PLCXD3: variants seen among roughly 807,000 people sequenced by gnomAD.
PLCXD3 encodes the protein phosphatidylinositol specific phospholipase C X domain containing 3, also known as PI-PLC X domain-containing protein 3.
PLCXD3 carries 19 observed loss-of-function variants against 25.5 expected under a neutral mutation model. That is an observed-to-expected ratio of 0.75 (90% CI 0.52 to 1.09). The LOEUF (loss-of-function observed/expected upper bound fraction) is 1.09. Among genes scored for constraint, PLCXD3 ranks in the 50% least tolerant of loss-of-function variants. PLCXD3 has a pLI of 0.00. For missense variants in PLCXD3, 411 were observed against 388.1 expected (o/e 1.06, Z -0.50); for synonymous variants, 174 against 137.6 (o/e 1.26, Z -1.85).
chr5:41,322,475 C>A (rs975774710), intron 2 of PLCXD3, among the ~76,000 whole-genome samples: 1 of 152,172 alleles, frequency 6.6e-6, no homozygotes, highest in Non-Finnish European at 1.5e-5. Flanking sequence ...TACATTAGTA[C>A]AACCACTATG....
chr5:41,389,769 T>C (rs545532943), intron 1 of PLCXD3, among the ~76,000 whole-genome samples: 1 of 152,304 alleles, frequency 6.6e-6, no homozygotes, highest in South Asian at 2.1e-4. Context: ...TCTAAAAATA[T>C]ACACATCATA....
At chr5:41,343,894 AT>A (rs1408205630) in intron 2 of PLCXD3, among the ~76,000 whole-genome samples, 17 of 152,112 alleles carry the variant, frequency 1.1e-4, no homozygotes, top group African/African-American at 4.1e-4. Context: ...CAATTGGATG[AT>A]TTGTTTGTCT....
At chr5:41,354,382 A>C (rs944794831) in intron 2 of PLCXD3, among the ~76,000 whole-genome samples, 1 of 152,168 alleles carries the variant, frequency 6.6e-6, no homozygotes, top group Non-Finnish European at 1.5e-5. Context: ...TTCTGACTTC[A>C]GTGAATGGCA....
intron 2 of PLCXD3, among the ~76,000 whole-genome samples, chr5:41,338,394 C>G (rs1744042818): frequency 6.6e-6 from 1 of 151,950 alleles, no homozygotes; most frequent in East Asian, 1.9e-4. Flanking sequence ...AGTTGGGAAA[C>G]AAATTTATTT....
chr5:41,448,399 A>C (rs1747553391), intron 1 of PLCXD3, among the ~76,000 whole-genome samples: 1 of 152,242 alleles, frequency 6.6e-6, no homozygotes, highest in African/African-American at 2.4e-5. Context: ...CCAATATGGC[A>C]ATCATCTGAA....
intron 1 of PLCXD3, among the ~76,000 whole-genome samples, chr5:41,496,196 A>T (rs1748833389): frequency 6.6e-6 from 1 of 152,190 alleles, no homozygotes; most frequent in African/African-American, 2.4e-5. Context: ...AGAATAAAAC[A>T]GAAGAAATCC....
At chr5:41,365,571 C>T (rs1427486845) in intron 2 of PLCXD3, among the ~76,000 whole-genome samples, 2 of 152,108 alleles carry the variant, frequency 1.3e-5, no homozygotes, top group African/African-American at 2.4e-5. Context: ...ATTCTATGTT[C>T]TTGTTGCCTA....
chr5:41,398,368 T>A (rs779570077), intron 1 of PLCXD3, among the ~76,000 whole-genome samples: 14 of 152,182 alleles, frequency 9.2e-5, no homozygotes, highest in Non-Finnish European at 1.5e-5. Flanking sequence ...TAAAATCTGC[T>A]TGCTTTCCCT....
At chr5:41,408,815 G>A (rs1332237276) in intron 1 of PLCXD3, among the ~76,000 whole-genome samples, 1 of 152,130 alleles carries the variant, frequency 6.6e-6, no homozygotes, top group African/African-American at 2.4e-5. Context: ...TTCTACATTT[G>A]TAACGATCAC....
At chr5:41,414,620 C>A (rs1746651117) in intron 1 of PLCXD3, among the ~76,000 whole-genome samples, 1 of 152,180 alleles carries the variant, frequency 6.6e-6, no homozygotes. Flanking sequence ...CAGTACTTAA[C>A]CCTTATTTGC....
Position 41,489,743 on chromosome 5 carries a change from A to G in PLCXD3, c.103+20681T>C, listed in dbSNP as rs373607913. 1.3e-4 allele frequency among the ~76,000 whole-genome samples: 19 copies of G among 151,820 alleles called. 1 individual carries two copies. The highest frequency in any genetic ancestry group is 1.2e-3 in the Admixed American group (19 of 15,252). On this transcript the variant is annotated intron_variant, in intron 1 of 2. Transcript: ENST00000377801. ...TGATTTGGCTCTCTGTTTGTCTGTT[A>G]TTGGTGTATAAGAATGCTTGTGATT...
intron 1 of PLCXD3, among the ~76,000 whole-genome samples, chr5:41,440,215 ATTTTTTTTTTTTTTTTTTTT>A (rs70988846): frequency 7.3e-5 from 3 of 41,062 alleles, no homozygotes; most frequent in Non-Finnish European, 1.3e-4. Context: ...TAATCTCTCA[ATTTTTTTTTTTTTTTTTTTT>A]TTTTTTTTTT....
chr5:41,444,637 T>G (rs1382584631), intron 1 of PLCXD3, among the ~76,000 whole-genome samples: 1 of 152,176 alleles, frequency 6.6e-6, no homozygotes, highest in East Asian at 1.9e-4. Context: ...TAATAAAAGA[T>G]GACACATTTT....
At chr5:41,317,103 T>G (rs207465954) in intron 2 of PLCXD3, among the ~76,000 whole-genome samples, 1 of 152,242 alleles carries the variant, frequency 6.6e-6, no homozygotes, top group African/African-American at 2.4e-5. Context: ...ACAGTCATAG[T>G]AGTGGTGGCC....
rs1748084479 is a variant in PLCXD3, at chr5:41,468,824, T to C, written c.103+41600A>G. Among the ~76,000 whole-genome samples the C allele has an allele frequency of 1.3e-5, 2 of 152,210 alleles. 1 individual carries two copies. The highest frequency in any genetic ancestry group is 4.1e-4 in the South Asian group (2 of 4,836). On this transcript the variant is annotated intron_variant, in intron 1 of 2. Coordinates refer to ENST00000377801, the MANE Select transcript of PLCXD3 (RefSeq NM_001005473.3). Reference sequence around the variant, plus strand: ...GTTATGTAATCTTACATATAAAATATAGAGACAATTTCACTTCCTCTATTG... The same window carrying C: ...GTTATGTAATCTTACATATAAAATACAGAGACAATTTCACTTCCTCTATTG...
At position 41,429,305 on chromosome 5, in the gene PLCXD3, A is replaced by G. The variant is rs552745036; in HGVS notation, c.104-46771T>C. Reference sequence around the variant, plus strand: ...GATGAGACTGAAAACTCAACAGAATAGGACAAAGACAACACTGCTACTGGG... The same window carrying G: ...GATGAGACTGAAAACTCAACAGAATGGGACAAAGACAACACTGCTACTGGG... On this transcript the variant is annotated intron_variant, in intron 1 of 2. Coordinates refer to ENST00000377801, the MANE Select transcript of PLCXD3 (RefSeq NM_001005473.3). Among the ~76,000 whole-genome samples, 141 of 152,198 alleles carry G rather than the reference A, an allele frequency of 9.3e-4. 1 individual carries two copies. The South Asian group carries it at 0.029, about 31-fold the overall frequency.
intron 1 of PLCXD3, among the ~76,000 whole-genome samples, chr5:41,401,487 C>T (rs957711492): frequency 6.6e-6 from 1 of 152,026 alleles, no homozygotes; most frequent in African/African-American, 2.4e-5. Flanking sequence ...GGCATATTTG[C>T]TGAAATTAAT....
At chr5:41,451,102 C>T (rs931544962) in intron 1 of PLCXD3, among the ~76,000 whole-genome samples, 20 of 151,980 alleles carry the variant, frequency 1.3e-4, no homozygotes, top group Non-Finnish European at 5.9e-5. Context: ...TCTGGGAAAA[C>T]AATGTTCTTT....
intron 1 of PLCXD3, among the ~76,000 whole-genome samples, chr5:41,435,953 C>A (rs1204027058): frequency 2.0e-5 from 3 of 152,196 alleles, no homozygotes; most frequent in Non-Finnish European, 4.4e-5. Flanking sequence ...GCCTCTGCAC[C>A]TGCCAGCCTG....
Sources: gnomAD v4.1 joint callset for allele counts (sites outside exome capture counted in the v4.1 genomes callset) on GRCh38, gnomAD v4.1.1 for gene constraint, MANE v1.5 for transcripts, NCBI Gene and HGNC (gene_info 2026-07-23, HGNC 2026-07-21) for gene names.